The following CRYZ variants were observed in gnomAD, a reference collection of about 807,000 sequenced individuals.
The protein encoded by CRYZ is zeta-crystallin.
CRYZ carries 35 observed loss-of-function variants against 34.1 expected under a neutral mutation model. That is an observed-to-expected ratio of 1.03 (90% CI 0.78 to 1.36). The LOEUF is 1.36. Ranked by LOEUF, CRYZ falls within the 40% of genes most tolerant of loss-of-function variation. The pLI, the probability that CRYZ is intolerant of heterozygous loss-of-function variation, is 0.00. For synonymous variants in CRYZ, 137 were observed against 136.5 expected, an observed-to-expected ratio of 1.00 and a Z score of -0.03; for missense variants, 403 against 391.8, an observed-to-expected ratio of 1.03 and a Z score of -0.24.
rs1212010015 is a variant in CRYZ, at chr1:74,707,008, C to A, written c.733-14G>T. ...GCTGCCAACAACCTAACATGAAAAA[C>A]AGCAATTCTACAGTTAAAGATTACT... On this transcript the variant is annotated splice_polypyrimidine_tract_variant and intron_variant, in intron 7 of 8. Transcript: ENST00000340866. 1 of 1,606,952 alleles carries A rather than the reference C, an allele frequency of 6.2e-7. No individual in the cohort carries two copies. The highest frequency in any genetic ancestry group is 1.7e-5 in the Admixed American group (1 of 59,526).
chr1:74,731,287 A>G (rs1342591751), intron 1 of CRYZ, among the ~76,000 whole-genome samples: 1 of 152,216 alleles, frequency 6.6e-6, no homozygotes, highest in Non-Finnish European at 1.5e-5. Flanking sequence ...TGTTAGGAGT[A>G]TATTTTAACA....
Position 74,719,428 on chromosome 1 carries a change from T to G in CRYZ, c.265-56A>C, listed in dbSNP as rs539523944. The G allele has an allele frequency of 5.6e-5, 84 of 1,492,498 alleles. 1 individual carries two copies. The highest frequency in any genetic ancestry group is 7.5e-5 in the Non-Finnish European group (82 of 1,088,730). 92.5% of individuals were successfully genotyped at this position (1,492,498 alleles called of 1,614,324 possible). On this transcript the variant is annotated intron_variant, in intron 3 of 8. Transcript: ENST00000340866. ...GAAGACTAAACATATTATGTCAAAA[T>G]AGGTATAATCCTTTATAACAAGAAA...
intron 2 of CRYZ, among the ~76,000 whole-genome samples, chr1:74,724,141 G>A (rs1647221878): frequency 6.6e-6 from 1 of 152,306 alleles, no homozygotes; most frequent in African/African-American, 2.4e-5. Context: ...TCTACATGGA[G>A]AGGAAGTGAT....
chr1:74,708,055 A>C (rs1042646838), intron 6 of CRYZ: 1 of 152,110 alleles, frequency 6.6e-6, no homozygotes, highest in Non-Finnish European at 1.5e-5. Context: ...GCCAAAAGAA[A>C]GGAAAATGAG....
chr1:74,711,937 C>T (rs2100698561), intron 5 of CRYZ, among the ~76,000 whole-genome samples: 1 of 151,244 alleles, frequency 6.6e-6, no homozygotes, highest in East Asian at 2.0e-4. Flanking sequence ...TTAGGTGGAA[C>T]ATGGTGGCTC....
intron 5 of CRYZ, 89 bp downstream of exon 5, chr1:74,714,490 A>G: frequency 7.7e-7 from 1 of 1,299,328 alleles, no homozygotes; most frequent in Non-Finnish European, 1.1e-6. Context: ...TCTATTTATA[A>G]ATCTGACTTT....
At chr1:74,707,480 T>A (rs1050649340) in intron 6 of CRYZ, 2 of 214,872 alleles carry the variant, frequency 9.3e-6, no homozygotes, top group East Asian at 2.1e-4. Flanking sequence ...AGACTCAACT[T>A]GAGTATAAAA....
intron 2 of CRYZ, among the ~76,000 whole-genome samples, chr1:74,723,989 G>A (rs184159443): frequency 1.3e-5 from 2 of 152,238 alleles, no homozygotes; most frequent in Admixed American, 1.3e-4. Flanking sequence ...ATTTAGTTAG[G>A]GTTTAAAAGA....
chr1:74,732,632 G>A (rs1647883762), intron 1 of CRYZ: 1 of 142,608 alleles, frequency 7.0e-6, no homozygotes, highest in African/African-American at 2.7e-5. Context: ...GTGGGGCTGG[G>A]GGACAGGGAG....
intron 1 of CRYZ, among the ~76,000 whole-genome samples, chr1:74,731,427 C>T (rs1437191539): frequency 6.6e-6 from 1 of 152,116 alleles, no homozygotes; most frequent in Non-Finnish European, 1.5e-5. Flanking sequence ...TCAATCATTA[C>T]AAATTGTTCT....
At chr1:74,730,023 T>C (rs987370847) in intron 1 of CRYZ, among the ~76,000 whole-genome samples, 2 of 152,316 alleles carry the variant, frequency 1.3e-5, no homozygotes, top group Admixed American at 6.5e-5. Context: ...ATTTTCGATA[T>C]CTACCTACTT....
rs1646983887 is a variant in CRYZ, at chr1:74,710,225, A to G, written c.503T>C (p.Ile168Thr). 1 of 1,613,794 alleles carries G rather than the reference A, an allele frequency of 6.2e-7. No homozygotes were observed. The highest frequency in any genetic ancestry group is 8.5e-7 in the Non-Finnish European group (1 of 1,179,816). The stretch of plus-strand genomic sequence containing the variant: ...AATCTTTAAGCCATAAGCTCTAGCA[A>G]TTTGGCATGCTGCTAATCCAACCTG... ...SGGVGLAACQ[I>T]ARAYGLKILG... Residue 168 changes from isoleucine (I) to threonine (T), a missense_variant, in exon 6 of 9, where the codon ATT (isoleucine) becomes ACT (threonine). By Grantham distance (89) the Ile-to-Thr change is moderately conservative. Transcript: ENST00000340866.
rs1178434686 is a variant in CRYZ, at chr1:74,710,231, C to T, written c.497G>A (p.Cys166Tyr). The change falls in exon 6 of 9, where the codon TGC (cysteine) becomes TAC (tyrosine). Residue 166 changes from cysteine to tyrosine, a missense_variant. Cys to Tyr is a radical substitution (Grantham distance 194). Coordinates refer to ENST00000340866, the MANE Select transcript of CRYZ (RefSeq NM_001889.4). ...TAAGCCATAAGCTCTAGCAATTTGGCATGCTGCTAATCCAACCTGAAAAAC... is the reference window on the plus strand; with the variant it reads ...TAAGCCATAAGCTCTAGCAATTTGGTATGCTGCTAATCCAACCTGAAAAAC... The part of the protein sequence containing the change: ...GASGGVGLAA[C>Y]QIARAYGLKI... The T allele has an allele frequency of 6.2e-7, 1 of 1,613,704 alleles. No homozygotes were observed.
rs144153568 is a variant in CRYZ, at chr1:74,718,832, T to C, written c.428+377A>G. Among the ~76,000 whole-genome samples the C allele has an allele frequency of 1.1e-3, 174 of 152,256 alleles. 2 individuals are homozygous for C. The highest frequency in any genetic ancestry group is 3.9e-3 in the African/African-American group (163 of 41,578). ...AATGGATAACAAGATTTTTGAACCA[T>C]GGCTTTAAAATAATCTAAGTCTTAC... On this transcript the variant is annotated intron_variant, in intron 4 of 8. Transcript: ENST00000340866.
intron 1 of CRYZ, among the ~76,000 whole-genome samples, chr1:74,725,750 C>A (rs1379116058): frequency 6.6e-6 from 1 of 152,104 alleles, no homozygotes; most frequent in Admixed American, 6.5e-5. Context: ...CAACTCTCTT[C>A]TGCCTATCAG....
At chr1:74,723,868 A>G (rs1647214815) in intron 2 of CRYZ, among the ~76,000 whole-genome samples, 1 of 152,228 alleles carries the variant, frequency 6.6e-6, no homozygotes, top group African/African-American at 2.4e-5. Context: ...CCATGGCTGG[A>G]CTATTGCAAT....
chr1:74,716,912 C>T (rs1299723223), intron 4 of CRYZ, among the ~76,000 whole-genome samples: 2 of 152,142 alleles, frequency 1.3e-5, no homozygotes, highest in African/African-American at 4.8e-5. Context: ...ATACTCCATC[C>T]AAATGGCTAA....
chr1:74,716,875 G>A (rs1647083783), intron 4 of CRYZ, among the ~76,000 whole-genome samples: 1 of 152,042 alleles, frequency 6.6e-6, no homozygotes, highest in African/African-American at 2.4e-5. Context: ...TCTAGCCCTG[G>A]ATTAATGTTC....
intron 1 of CRYZ, among the ~76,000 whole-genome samples, chr1:74,729,239 C>A (rs1647559958): frequency 1.3e-5 from 2 of 151,092 alleles, no homozygotes; most frequent in Admixed American, 6.6e-5. Flanking sequence ...TGGCCTTGGG[C>A]AAGGCAGTCA....
Sources: gnomAD v4.1 joint callset for allele counts (sites outside exome capture counted in the v4.1 genomes callset) on GRCh38, gnomAD v4.1.1 for gene constraint, MANE v1.5 for transcripts, NCBI Gene and HGNC (gene_info 2026-07-23, HGNC 2026-07-21) for gene names.